PLCG2: variants seen among roughly 807,000 people sequenced by gnomAD.
The protein encoded by PLCG2 is phospholipase C gamma 2.
In PLCG2, 69 loss-of-function variants were observed where a neutral mutation model predicts 175.6. The ratio of observed to expected loss-of-function variants is 0.39; its 90% CI spans 0.32 to 0.48. The LOEUF is 0.48. Ranked by LOEUF, PLCG2 falls within the 20% of genes least tolerant of loss-of-function variation. The probability of loss-of-function intolerance (pLI) is 0.91; values close to 1 mark genes in which losing one functional copy is unlikely to be tolerated. For missense variants in PLCG2, 1,798 were observed against 1,650.9 expected, an observed-to-expected ratio of 1.09 and a Z score of -1.54; for synonymous variants, 827 against 624.0, an observed-to-expected ratio of 1.33 and a Z score of -4.85.
chr16:81,829,695 A>G (rs1447259509), intron 2 of PLCG2, among the ~76,000 whole-genome samples: 2 of 152,074 alleles, frequency 1.3e-5, no homozygotes, highest in African/African-American at 4.8e-5. Context: ...GTTTATTTCC[A>G]TCGATATGTA....
At chr16:81,895,606 C>G in intron 12 of PLCG2, 2 of 547,066 alleles carry the variant, frequency 3.7e-6, no homozygotes, top group Non-Finnish European at 6.5e-6. Context: ...ACTAGCTTGT[C>G]TTGGACAGCT....
rs1433972696 is a variant in PLCG2, at chr16:81,946,089, C to T, written c.3482-86C>T. On this transcript the variant is annotated intron_variant, in intron 30 of 32. Transcript: ENST00000564138. ...GACTTCTCTACCCTTTGAACTAGGC[C>T]TATGATCCCGAGGTAGCCTCCAAAA... 4.1e-6 allele frequency: 4 copies of T among 982,062 alleles called. No homozygotes were observed. In the African/African-American group the frequency reaches 4.8e-5, roughly 12 times the overall value. 60.8% of individuals were successfully genotyped at this position (982,062 alleles called of 1,614,324 possible).
chr16:81,934,309 CATATT>C, intron 25 of PLCG2, 115 bp from the exon 26 acceptor site: 1 of 648,932 alleles, frequency 1.5e-6, no homozygotes, highest in Non-Finnish European at 2.8e-6. Context: ...AACATTCAAC[CATATT>C]AAAGATCCGA....
intron 5 of PLCG2, among the ~76,000 whole-genome samples, chr16:81,860,707 A>C (rs1292805891): frequency 6.6e-6 from 1 of 152,194 alleles, no homozygotes; most frequent in Non-Finnish European, 1.5e-5. Context: ...GCAGTGGTGT[A>C]CACCTATATT....
rs186421750 is a variant in PLCG2, at chr16:81,915,319, A to G, written c.2054+2603A>G. 2.0e-5 allele frequency among the ~76,000 whole-genome samples: 3 copies of G among 152,318 alleles called. No individual in the cohort carries two copies. The East Asian group carries it at 5.8e-4, about 29-fold the overall frequency. On this transcript the variant is annotated intron_variant, in intron 19 of 32. Transcript: ENST00000564138. ...CTGTTCTGGGCTCTGGGGATGTGTA[A>G]TGAACTTCTGGATAGATTTCCCCAG...
chr16:81,799,486 G>A (rs539259452), intron 2 of PLCG2, among the ~76,000 whole-genome samples: 2 of 152,270 alleles, frequency 1.3e-5, no homozygotes, highest in South Asian at 4.1e-4. Flanking sequence ...GTGCAGTGGT[G>A]TGACCATAGG....
intron 24 of PLCG2, among the ~76,000 whole-genome samples, chr16:81,929,993 C>T (rs952350331): frequency 2.0e-5 from 3 of 152,116 alleles, no homozygotes; most frequent in Admixed American, 6.6e-5. Flanking sequence ...CTACTACTAG[C>T]TGTATGACTT....
intron 2 of PLCG2, among the ~76,000 whole-genome samples, chr16:81,771,918 G>A (rs1384135197): frequency 6.6e-6 from 1 of 152,042 alleles, no homozygotes; most frequent in East Asian, 1.9e-4. Context: ...CAACTAGCTG[G>A]GACTACAGGC....
intron 1 of PLCG2, among the ~76,000 whole-genome samples, chr16:81,783,488 C>A (rs1048291489): frequency 6.6e-5 from 10 of 152,146 alleles, no homozygotes; most frequent in African/African-American, 2.2e-4. Flanking sequence ...ACTGGCAAAT[C>A]AGTTAATATC....
At chr16:81,769,662 A>G (rs1910231162) in intron 2 of PLCG2, among the ~76,000 whole-genome samples, 2 of 150,234 alleles carry the variant, frequency 1.3e-5, no homozygotes, top group African/African-American at 4.9e-5. Context: ...CTAAAAATAC[A>G]AAAAAAAATT....
At chr16:81,860,364 A>G (rs928175225) in intron 5 of PLCG2, among the ~76,000 whole-genome samples, 2 of 152,060 alleles carry the variant, frequency 1.3e-5, no homozygotes, top group Admixed American at 6.5e-5. Context: ...CTTTGGGTCT[A>G]TCTTTCTGTA....
upstream of PLCG2, among the ~76,000 whole-genome samples, chr16:81,777,007 A>G (rs1415642662): frequency 6.6e-6 from 1 of 152,120 alleles, no homozygotes; most frequent in Non-Finnish European, 1.5e-5. Flanking sequence ...CAAAGAAGAA[A>G]ATGAATTAAA....
chr16:81,805,064 C>T (rs1473305793), intron 2 of PLCG2, among the ~76,000 whole-genome samples: 2 of 152,314 alleles, frequency 1.3e-5, no homozygotes, highest in Middle Eastern at 3.4e-3. Flanking sequence ...AGAGGAACAA[C>T]ATCAGACACT....
chr16:81,906,227 C>G (rs1050837794), intron 15 of PLCG2: 3 of 152,094 alleles, frequency 2.0e-5, no homozygotes, highest in African/African-American at 7.2e-5. Flanking sequence ...GATCCAGTAC[C>G]CGGTGCTGCC....
At chr16:81,769,260 C>T (rs1245313548) in intron 2 of PLCG2, among the ~76,000 whole-genome samples, 1 of 152,190 alleles carries the variant, frequency 6.6e-6, no homozygotes, top group Non-Finnish European at 1.5e-5. Flanking sequence ...CTGTATCTGC[C>T]CAAAGTGCCC....
chr16:81,845,092 C>A (rs1906044272), intron 2 of PLCG2, among the ~76,000 whole-genome samples: 1 of 152,196 alleles, frequency 6.6e-6, no homozygotes, highest in African/African-American at 2.4e-5. Context: ...GCACACTTGG[C>A]TAACTGCGTT....
chr16:81,787,782 T>G (rs1014899026), intron 2 of PLCG2, among the ~76,000 whole-genome samples: 30 of 152,194 alleles, frequency 2.0e-4, no homozygotes, highest in African/African-American at 7.0e-4. Flanking sequence ...ATTCTGTTTC[T>G]ATAAACCTCT....
chr16:81,870,061 C>A (rs72837430), intron 6 of PLCG2, among the ~76,000 whole-genome samples: 1 of 152,284 alleles, frequency 6.6e-6, no homozygotes, highest in Non-Finnish European at 1.5e-5. Context: ...AAAATTATCC[C>A]ATTTTATTGC....
At chr16:81,905,680 A>G (rs1909337982) in intron 15 of PLCG2, among the ~76,000 whole-genome samples, 173 bp downstream of exon 15, 1 of 152,172 alleles carries the variant, frequency 6.6e-6, no homozygotes, top group Non-Finnish European at 1.5e-5. Context: ...ATGTTGTGGG[A>G]CAGGGTCTCA....
Sources: allele counts gnomAD v4.1 joint callset (sites outside exome capture counted in the v4.1 genomes callset), GRCh38; gene constraint gnomAD v4.1.1; transcripts MANE v1.5; gene names NCBI Gene and HGNC (gene_info 2026-07-23, HGNC 2026-07-21).